Variants in PAX5 observed in about 807,000 individuals in gnomAD.
PAX5 encodes paired box 5.
Under a neutral mutation model 43.7 loss-of-function variants are expected in PAX5, and 9 were observed. The observed-to-expected ratio is 0.21, with a 90% CI of 0.12 to 0.36. PAX5 has a LOEUF of 0.36. Among genes scored for constraint, PAX5 ranks in the 10% least tolerant of loss-of-function variants. The pLI is 1.00. For missense variants in PAX5, 383 were observed against 532.7 expected (o/e 0.72, Z 2.77); for synonymous variants, 228 against 214.3 (o/e 1.06, Z -0.56).
intron 7 of PAX5, among the ~76,000 whole-genome samples, chr9:36,917,003 G>T (rs1432977801): frequency 6.6e-6 from 1 of 151,940 alleles, no homozygotes; most frequent in Non-Finnish European, 1.5e-5. Flanking sequence ...ATGTTTTCTA[G>T]CTAACTATTG....
At chr9:36,945,506 G>A (rs564596764) in intron 6 of PAX5, among the ~76,000 whole-genome samples, 1 of 152,380 alleles carries the variant, frequency 6.6e-6, no homozygotes, top group African/African-American at 2.4e-5. Flanking sequence ...CTCCCACAGT[G>A]CTGGGATGAC....
intron 9 of PAX5, among the ~76,000 whole-genome samples, chr9:36,844,869 C>T (rs1822413829): frequency 6.6e-6 from 1 of 152,208 alleles, no homozygotes. Context: ...GCCCCACCTC[C>T]TACACCAAGC....
At chr9:36,861,752 A>G (rs1824240065) in intron 8 of PAX5, among the ~76,000 whole-genome samples, 1 of 151,778 alleles carries the variant, frequency 6.6e-6, no homozygotes, top group Admixed American at 6.6e-5. Context: ...AGAGAAGGCC[A>G]GGGAGGGAAG....
intron 6 of PAX5, among the ~76,000 whole-genome samples, chr9:36,952,692 C>T (rs1833113018): frequency 6.6e-6 from 1 of 152,064 alleles, no homozygotes; most frequent in Non-Finnish European, 1.5e-5. Context: ...ACGTTTATAT[C>T]TAATCTAAAT....
chr9:37,026,790 C>A (rs1241678178), intron 1 of PAX5: 1 of 930,668 alleles, frequency 1.1e-6, no homozygotes, highest in Non-Finnish European at 1.3e-6. Flanking sequence ...CGCACCCGGG[C>A]TAGGAGCGGG....
At chr9:36,887,405 T>A (rs967296357) in intron 7 of PAX5, among the ~76,000 whole-genome samples, 5 of 152,254 alleles carry the variant, frequency 3.3e-5, no homozygotes, top group African/African-American at 1.2e-4. Flanking sequence ...AATATGGACT[T>A]TTTATAAATG....
At chr9:36,955,476 C>T (rs548407472) in intron 6 of PAX5, among the ~76,000 whole-genome samples, 24 of 152,158 alleles carry the variant, frequency 1.6e-4, no homozygotes, top group Admixed American at 6.5e-4. Flanking sequence ...AGTTTCCCTA[C>T]TGCCTCCTTC....
intron 5 of PAX5, among the ~76,000 whole-genome samples, chr9:36,999,227 C>T (rs1325123287): frequency 1.3e-5 from 2 of 152,234 alleles, no homozygotes; most frequent in African/African-American, 4.8e-5. Context: ...CACATGCTCA[C>T]CAGAGTCCCA....
At chr9:36,936,935 C>T (rs1489950214) in intron 6 of PAX5, among the ~76,000 whole-genome samples, 2 of 152,182 alleles carry the variant, frequency 1.3e-5, no homozygotes, top group African/African-American at 2.4e-5. Flanking sequence ...CTTCCTAACA[C>T]GTGATGCTCT....
intron 6 of PAX5, among the ~76,000 whole-genome samples, chr9:36,924,050 G>T (rs1830394451): frequency 6.6e-6 from 1 of 152,152 alleles, no homozygotes; most frequent in Non-Finnish European, 1.5e-5. Context: ...ACCAATTGGG[G>T]TGGGTCACCA....
chr9:36,889,946 G>T lies in PAX5; in HGVS notation c.911-7841C>A, dbSNP rs954364908. Among the ~76,000 whole-genome samples, 11 of 144,442 alleles carry T rather than the reference G, an allele frequency of 7.6e-5. No homozygotes were observed. In the South Asian group the frequency reaches 9.6e-4, roughly 13 times the overall value. 94.8% of individuals were successfully genotyped at this position (144,442 alleles called of 152,430 possible). On this transcript the variant is annotated intron_variant, in intron 7 of 9. Coordinates refer to ENST00000358127, the MANE Select transcript of PAX5 (RefSeq NM_016734.3). ...GCTCTCTCTATGTACACTAACGGGG[G>T]GGGGGGGAATGTGAATCCAATTAAC...
chr9:36,871,242 C>T (rs111801000), intron 8 of PAX5, among the ~76,000 whole-genome samples: 2,153 of 152,346 alleles, frequency 0.014, 58 homozygotes, highest in African/African-American at 0.048. Context: ...CATACCCGGG[C>T]TGCAGTCCTC....
chr9:36,973,015 G>A (rs180758281), intron 5 of PAX5, among the ~76,000 whole-genome samples: 4 of 128,072 alleles, frequency 3.1e-5, no homozygotes, highest in East Asian at 2.3e-4. Flanking sequence ...CTGACAGAGC[G>A]AGATTCAGTC....
intron 5 of PAX5, among the ~76,000 whole-genome samples, chr9:36,977,511 T>C (rs1180550724): frequency 6.6e-6 from 1 of 151,870 alleles, no homozygotes; most frequent in African/African-American, 2.4e-5. Context: ...TTTTGTTTGT[T>C]TTTTTTGGGG....
rs566813460 is a variant in PAX5 at position 36,948,966 on chromosome 9, C to T, written c.780+17583G>A. 2.0e-4 allele frequency among the ~76,000 whole-genome samples: 31 copies of T among 152,292 alleles called. 1 individual carries two copies. The South Asian group carries it at 6.0e-3, about 30-fold the overall frequency. ...AATAATAACAATGATAATAAAGGAA[C>T]ATTTGGAGTACCTACTATGGGCTGA... is the stretch of plus-strand genomic sequence containing the variant. On this transcript the variant is annotated intron_variant, in intron 6 of 9. Transcript: ENST00000358127.
intron 6 of PAX5, among the ~76,000 whole-genome samples, chr9:36,943,008 C>G (rs1162361968): frequency 6.6e-6 from 1 of 152,194 alleles, no homozygotes; most frequent in Non-Finnish European, 1.5e-5. Flanking sequence ...CTGCACCCAG[C>G]TCTCAGTTTC....
At position 36,839,710 on chromosome 9, in the gene PAX5, C is replaced by A. The variant is rs1178704704; in HGVS notation, c.*850G>T. The A allele has an allele frequency of 4.3e-6, 1 of 233,258 alleles. No individual in the cohort carries two copies. The highest frequency in any genetic ancestry group is 2.2e-5 in the African/African-American group (1 of 45,352). The allele number at this position is 233,258 out of a possible 1,614,324, so 14.4% of individuals were successfully genotyped here. A position where few individuals can be genotyped will look rare whatever the true frequency, so the allele number is the denominator to read the frequency against. On this transcript the variant is annotated 3_prime_UTR_variant, in exon 10 of 10. Coordinates refer to ENST00000358127, the MANE Select transcript of PAX5 (RefSeq NM_016734.3). ...TCTCCTGCGTCCCATCCAGCCCTCA[C>A]ATTCAAAGTCCACAATGTAATCAAT...
rs80040940 is a variant in PAX5, at chr9:37,015,596, T to C, written c.213-402A>G. ...CTCATAGTATTTCTTTTTTTTTTTT[T>C]CAGACGGAGTTTCGCTCTTGTTGCC... On this transcript the variant is annotated intron_variant, in intron 2 of 9. Transcript: ENST00000358127. This position sits in a 1 kb window ranked among gnomAD's most constrained non-coding sequence, Gnocchi z 4.4. Among the ~76,000 whole-genome samples the C allele has an allele frequency of 2.0e-5, 3 of 151,832 alleles. No individual in the cohort carries two copies. Among genetic ancestry groups the C allele is most frequent in the African/African-American group, 7.3e-5 (3 of 41,248 alleles).
chr9:36,953,645 G>A (rs907071381), intron 6 of PAX5, among the ~76,000 whole-genome samples: 10 of 152,112 alleles, frequency 6.6e-5, no homozygotes, highest in African/African-American at 2.4e-4. Context: ...CTTTATTTCT[G>A]TTACTGTGTT....
Sources: allele counts gnomAD v4.1 joint callset (sites outside exome capture counted in the v4.1 genomes callset), GRCh38; gene constraint gnomAD v4.1.1; non-coding constraint Gnocchi (gnomAD v3.1); transcripts MANE v1.5; gene names NCBI Gene and HGNC (gene_info 2026-07-23, HGNC 2026-07-21).